PEBP4: variants seen among roughly 807,000 people sequenced by gnomAD.
PEBP4 encodes phosphatidylethanolamine-binding protein 4.
In PEBP4, 22 loss-of-function variants were observed where a neutral mutation model predicts 23.9. The observed-to-expected ratio is 0.92, with a 90% CI of 0.66 to 1.31. The LOEUF (loss-of-function observed/expected upper bound fraction) is 1.31, where lower values mean the gene tolerates loss of function less well. Ranked by LOEUF, PEBP4 falls within the 40% of genes most tolerant of loss-of-function variation. PEBP4 has a pLI of 0.00. For synonymous variants in PEBP4, 112 were observed against 99.3 expected (o/e 1.13, Z -0.76); for missense variants, 324 against 281.7 (o/e 1.15, Z -1.07).
At chr8:22,938,148 C>A (rs569507305) in intron 1 of PEBP4, among the ~76,000 whole-genome samples, 1 of 152,156 alleles carries the variant, frequency 6.6e-6, no homozygotes, top group East Asian at 1.9e-4. Context: ...AGACAACCTG[C>A]AGAATGAGAG....
chr8:22,892,227 T>C (rs1298477991), intron 3 of PEBP4, among the ~76,000 whole-genome samples: 4 of 152,222 alleles, frequency 2.6e-5, no homozygotes, highest in African/African-American at 9.6e-5. Context: ...TTCTAAATTA[T>C]TTTTAAATGA....
At chr8:22,872,198 A>G (rs577607255) in intron 3 of PEBP4, among the ~76,000 whole-genome samples, 1 of 152,174 alleles carries the variant, frequency 6.6e-6, no homozygotes, top group Non-Finnish European at 1.5e-5. Flanking sequence ...CTTATGATAT[A>G]TGTATGAAAT....
At chr8:22,769,273 A>C (rs1011642537) in intron 4 of PEBP4, among the ~76,000 whole-genome samples, 2 of 152,128 alleles carry the variant, frequency 1.3e-5, no homozygotes, top group African/African-American at 4.8e-5. Context: ...GGCGCCAACC[A>C]TGCAGCCCAA....
rs567201233 is a variant in PEBP4 at position 22,788,886 on chromosome 8, A to T, written c.357+28751T>A. 2.7e-3 allele frequency among the ~76,000 whole-genome samples: 411 copies of T among 152,328 alleles called. 1 individual carries two copies. The highest frequency in any genetic ancestry group is 4.9e-3 in the Non-Finnish European group (330 of 68,036). On this transcript the variant is annotated intron_variant, in intron 4 of 6. Coordinates refer to ENST00000256404, the MANE Select transcript of PEBP4 (RefSeq NM_144962.3). The stretch of plus-strand genomic sequence containing the variant: ...TGGTGATAATATAAAAAAAAAGCAG[A>T]TACAACCTAATGTCCAATAGTAGAG...
At chr8:22,911,114 A>T (rs374451229) in intron 3 of PEBP4, among the ~76,000 whole-genome samples, 1 of 152,180 alleles carries the variant, frequency 6.6e-6, no homozygotes, top group Non-Finnish European at 1.5e-5. Context: ...TCTAAAACAT[A>T]AAGTCTATTA....
At chr8:22,908,439 A>G (rs1808864374) in intron 3 of PEBP4, among the ~76,000 whole-genome samples, 2 of 152,142 alleles carry the variant, frequency 1.3e-5, no homozygotes, top group South Asian at 4.1e-4. Flanking sequence ...CACTCAGTAA[A>G]ATGCTGCTGA....
chr8:22,819,747 C>T (rs915010113), intron 3 of PEBP4, among the ~76,000 whole-genome samples: 14 of 152,116 alleles, frequency 9.2e-5, no homozygotes, highest in Non-Finnish European at 1.3e-4. Flanking sequence ...GCTGGGACTA[C>T]AGGCGCCCGC....
chr8:22,780,126 G>A (rs749610115), intron 4 of PEBP4, among the ~76,000 whole-genome samples: 9 of 151,952 alleles, frequency 5.9e-5, no homozygotes, highest in Admixed American at 3.9e-4. Flanking sequence ...ATCACATCCA[G>A]CTAATTTTTG....
intron 3 of PEBP4, among the ~76,000 whole-genome samples, chr8:22,883,728 G>A (rs1808312562): frequency 6.6e-6 from 1 of 152,170 alleles, no homozygotes; most frequent in Non-Finnish European, 1.5e-5. Context: ...CTATTATTGT[G>A]CTGTCAATCT....
chr8:22,744,280 A>C (rs140496350), intron 4 of PEBP4, among the ~76,000 whole-genome samples: 350 of 152,336 alleles, frequency 2.3e-3, no homozygotes, highest in Non-Finnish European at 3.2e-3. Flanking sequence ...GATGAGCAGA[A>C]TCAGACTCCC....
At chr8:22,916,347 C>G (rs1484062568) in intron 3 of PEBP4, among the ~76,000 whole-genome samples, 9 of 152,288 alleles carry the variant, frequency 5.9e-5, no homozygotes, top group African/African-American at 2.2e-4. Flanking sequence ...GTCAGAGCGC[C>G]AGGGGAGAAA....
At chr8:22,766,059 A>T (rs1024551791) in intron 4 of PEBP4, among the ~76,000 whole-genome samples, 1 of 152,282 alleles carries the variant, frequency 6.6e-6, no homozygotes, top group Non-Finnish European at 1.5e-5. Flanking sequence ...CAGTAGACAC[A>T]GGCAGCCAGC....
chr8:22,928,039 C>T (rs1809389445), upstream of PEBP4: 3 of 299,714 alleles, frequency 1.0e-5, no homozygotes, highest in Non-Finnish European at 1.3e-5. Context: ...AGTAGAAGTG[C>T]TTATATAAGC....
rs964574568 is a variant in PEBP4, at chr8:22,865,948, G to C, written c.259-48213C>G. On this transcript the variant is annotated intron_variant, in intron 3 of 6. Transcript: ENST00000256404. The surrounding 1 kb of genome is among the most constrained non-coding windows in gnomAD (Gnocchi z 6.9). ...CTCGAGGTGTGGCCCGGCGCCGGGC[G>C]GTGCTGCCCGGAGAGCGCGCAGCCC... 6.6e-6 allele frequency among the ~76,000 whole-genome samples: 1 copy of C among 151,860 alleles called. No homozygotes were observed. The highest frequency in any genetic ancestry group is 2.4e-5 in the African/African-American group (1 of 41,380).
chr8:22,839,144 A>G (rs1807268744), intron 3 of PEBP4, among the ~76,000 whole-genome samples: 1 of 152,198 alleles, frequency 6.6e-6, no homozygotes, highest in Non-Finnish European at 1.5e-5. Context: ...CCGGCCTGCA[A>G]AGGTGGCGTT....
At chr8:22,805,204 T>C (rs1806470775) in intron 4 of PEBP4, among the ~76,000 whole-genome samples, 1 of 152,248 alleles carries the variant, frequency 6.6e-6, no homozygotes, top group Admixed American at 6.5e-5. Context: ...TCATGGTGGA[T>C]ACACGTCGTG....
At chr8:22,726,138 T>C (rs140711134) in intron 5 of PEBP4, among the ~76,000 whole-genome samples, 24 of 152,224 alleles carry the variant, frequency 1.6e-4, no homozygotes, top group African/African-American at 5.3e-4. Flanking sequence ...ACAGCCAGTG[T>C]GCAAACGCCC....
At position 22,713,508 on chromosome 8, in the gene PEBP4, G is replaced by T. The variant is rs748918274; in HGVS notation, c.546C>A (p.Asn182Lys). 8.7e-6 allele frequency: 14 copies of T among 1,614,194 alleles called. No individual in the cohort carries two copies. The Admixed American group carries it at 2.2e-4, about 25-fold the overall frequency. Reference sequence around the variant, plus strand: ...CTTCAGGTTCGCCCAGGTGGAAACGGTTCAGAAATCTGTCCATTTTCCAAG... The same window carrying T: ...CTTCAGGTTCGCCCAGGTGGAAACGTTTCAGAAATCTGTCCATTTTCCAAG... Reference protein sequence around the residue: ...RGSWKMDRFLNRFHLGEPEAS... With the variant: ...RGSWKMDRFLKRFHLGEPEAS... The change falls in exon 7 of 7, where the codon AAC (asparagine) becomes AAA (lysine). Residue 182 changes from asparagine to lysine, a missense_variant. Asn to Lys is a moderately conservative substitution (Grantham distance 94, BLOSUM62 0). Coordinates refer to ENST00000256404, the MANE Select transcript of PEBP4 (RefSeq NM_144962.3).
intron 4 of PEBP4, among the ~76,000 whole-genome samples, chr8:22,816,102 G>A (rs1051465793): frequency 1.3e-5 from 2 of 152,188 alleles, no homozygotes; most frequent in African/African-American, 4.8e-5. Context: ...TCTAGCCTTG[G>A]GGGGTGAGGG....
Sources: allele counts gnomAD v4.1 joint callset (sites outside exome capture counted in the v4.1 genomes callset), GRCh38; gene constraint gnomAD v4.1.1; non-coding constraint Gnocchi (gnomAD v3.1); transcripts MANE v1.5; gene names NCBI Gene and HGNC (gene_info 2026-07-23, HGNC 2026-07-21).